The following SHISA9 variants were observed in gnomAD, a reference collection of about 807,000 sequenced individuals.
The protein encoded by SHISA9 is shisa family member 9.
SHISA9 carries 13 observed loss-of-function variants against 38.0 expected under a neutral mutation model. The observed-to-expected ratio is 0.34, with a 90% CI of 0.22 to 0.54. The LOEUF (loss-of-function observed/expected upper bound fraction) is 0.54, where lower values mean the gene tolerates loss of function less well. Among genes scored for constraint, SHISA9 ranks in the 20% least tolerant of loss-of-function variants. The probability of loss-of-function intolerance (pLI) is 0.91; values close to 1 mark genes in which losing one functional copy is unlikely to be tolerated. For missense variants in SHISA9, 538 were observed against 575.8 expected (o/e 0.93, Z 0.67); for synonymous variants, 275 against 242.0 (o/e 1.14, Z -1.27).
At chr16:13,508,167 A>C in the SHISA9 span, among the ~76,000 whole-genome samples, 1 of 152,164 alleles carries the variant, frequency 6.6e-6, no homozygotes, top group African/African-American at 2.4e-5. Flanking sequence ...AGAGTTACAT[A>C]ATGGATGCTT....
In SHISA9 at chr16:13,204,366, C is replaced by T. The variant is rs187929911; in HGVS notation, c.847+817C>T. Among the ~76,000 whole-genome samples, 67 of 152,162 alleles carry T rather than the reference C, an allele frequency of 4.4e-4. 2 individuals are homozygous for T. The highest frequency in any genetic ancestry group is 1.4e-3 in the African/African-American group (59 of 41,508). ...TGCTGTGTGAGGCAGGGTGGCTGGG[C>T]GAGGGGCACATGTGCGGTGAGGGCT... On this transcript the variant is annotated intron_variant, in intron 3 of 4. Transcript: ENST00000558583.
At chr16:12,944,228 T>A (rs530315782) in intron 2 of SHISA9, among the ~76,000 whole-genome samples, 12 of 152,368 alleles carry the variant, frequency 7.9e-5, no homozygotes, top group African/African-American at 2.9e-4. Flanking sequence ...CCTAGTACAA[T>A]GTCTGGCACC....
chr16:12,957,743 T>C (rs1321628643), intron 2 of SHISA9, among the ~76,000 whole-genome samples: 1 of 152,156 alleles, frequency 6.6e-6, no homozygotes, highest in Non-Finnish European at 1.5e-5. Context: ...TATTTTTTTG[T>C]TTTCTTCTCA....
At chr16:13,029,605 C>G (rs1454116993) in intron 2 of SHISA9, among the ~76,000 whole-genome samples, 1 of 152,146 alleles carries the variant, frequency 6.6e-6, no homozygotes, top group Non-Finnish European at 1.5e-5. Context: ...GAGACCCTGT[C>G]TAAACAAACA....
chr16:13,036,859 C>T (rs1476517453), intron 2 of SHISA9, among the ~76,000 whole-genome samples: 16 of 152,000 alleles, frequency 1.1e-4, no homozygotes, highest in Non-Finnish European at 4.4e-5. Context: ...AGCGCTCACT[C>T]AAATGCAGCT....
rs113558929 is a variant in SHISA9 at position 12,910,283 on chromosome 16, G to A, written c.564-6405G>A. 1.4e-3 allele frequency: 28 copies of A among 20,504 alleles called. 3 individuals are homozygous for A. Among genetic ancestry groups the A allele is most frequent in the Non-Finnish European group, 3.1e-3 (23 of 7,338 alleles). 1.3% of individuals were successfully genotyped at this position (20,504 alleles called of 1,614,324 possible). A position where few individuals can be genotyped will look rare whatever the true frequency, so the allele number is the denominator to read the frequency against. On this transcript the variant is annotated intron_variant, in intron 1 of 4. Coordinates refer to ENST00000558583, the MANE Select transcript of SHISA9 (RefSeq NM_001145204.3). ...TGCATTTGATATCCTGGTTTACCTG[G>A]CACAACAAAGTATCTCCAAATTCAT...
At chr16:12,952,473 C>T (rs1355612994) in intron 2 of SHISA9, among the ~76,000 whole-genome samples, 1 of 152,180 alleles carries the variant, frequency 6.6e-6, no homozygotes, top group Non-Finnish European at 1.5e-5. Context: ...CCTTTTGTTC[C>T]TTAAAGTCAG....
the SHISA9 span, among the ~76,000 whole-genome samples, chr16:13,260,005 TTC>T: frequency 1.6e-5 from 2 of 127,924 alleles, no homozygotes; most frequent in African/African-American, 5.8e-5. Context: ...TTTTCTTTCT[TTC>T]TTTTTTTTTT....
At chr16:13,551,047 C>G in the SHISA9 span, among the ~76,000 whole-genome samples, 211 of 151,902 alleles carry the variant, frequency 1.4e-3, 3 homozygotes, top group Middle Eastern at 0.014. Flanking sequence ...TCGCTTGAAC[C>G]TGGGAGGCGG....
chr16:13,389,262 G>T, the SHISA9 span, among the ~76,000 whole-genome samples: 1 of 152,120 alleles, frequency 6.6e-6, no homozygotes, highest in East Asian at 1.9e-4. Flanking sequence ...CCCCTGAGCT[G>T]TTTACCCTCT....
the SHISA9 span, among the ~76,000 whole-genome samples, chr16:13,528,006 C>G: frequency 5.3e-5 from 8 of 152,186 alleles, no homozygotes; most frequent in African/African-American, 1.9e-4. Context: ...TTTACCTCTG[C>G]GAACCACAGG....
At chr16:13,521,838 C>T in the SHISA9 span, among the ~76,000 whole-genome samples, 23,569 of 152,122 alleles carry the variant, frequency 0.15, 2,103 homozygotes, top group East Asian at 0.37. Context: ...TATCACTTGT[C>T]CCTGAAAAAT....
At chr16:13,374,265 C>T in the SHISA9 span, among the ~76,000 whole-genome samples, 17 of 151,854 alleles carry the variant, frequency 1.1e-4, no homozygotes, top group South Asian at 1.0e-3. Context: ...GTGCTGCACC[C>T]GTTAACTCGT....
intron 2 of SHISA9, among the ~76,000 whole-genome samples, chr16:13,004,792 C>G (rs542310237): frequency 6.6e-6 from 1 of 151,276 alleles, no homozygotes; most frequent in South Asian, 2.1e-4. Context: ...ATTAGCTGAA[C>G]GCGGTGGTGG....
chr16:13,391,227 T>C, the SHISA9 span, among the ~76,000 whole-genome samples: 1 of 152,188 alleles, frequency 6.6e-6, no homozygotes, highest in Non-Finnish European at 1.5e-5. Flanking sequence ...GCCCACATTA[T>C]TGCTCCTTAC....
chr16:13,469,320 G>GAGAGAGAGAGAAAGAAAGAA, the SHISA9 span, among the ~76,000 whole-genome samples: 1 of 61,560 alleles, frequency 1.6e-5, no homozygotes, highest in African/African-American at 7.8e-5. Context: ...GAGAGAGAGA[G>GAGAGAGAGAGAAAGAAAGAA]AGAAAGAAAG....
chr16:13,445,000 A>C, the SHISA9 span, among the ~76,000 whole-genome samples: 2 of 25,140 alleles, frequency 8.0e-5, no homozygotes, highest in Non-Finnish European at 1.4e-4. Context: ...ATATATATAT[A>C]TATATATATA....
chr16:13,296,877 G>C, the SHISA9 span, among the ~76,000 whole-genome samples: 3 of 102,656 alleles, frequency 2.9e-5, no homozygotes, highest in Non-Finnish European at 5.3e-5. Context: ...GGTGACAAGA[G>C]GGAAACTCCA....
At chr16:13,423,559 A>G in the SHISA9 span, among the ~76,000 whole-genome samples, 1 of 152,190 alleles carries the variant, frequency 6.6e-6, no homozygotes, top group Non-Finnish European at 1.5e-5. Context: ...CAAATAAAAC[A>G]ACTCATTTCC....
Sources: gnomAD v4.1 joint callset for allele counts (sites outside exome capture counted in the v4.1 genomes callset) on GRCh38, gnomAD v4.1.1 for gene constraint, MANE v1.5 for transcripts, NCBI Gene and HGNC (gene_info 2026-07-23, HGNC 2026-07-21) for gene names.